Variants in SPATA32 observed in about 807,000 individuals in gnomAD.
The protein encoded by SPATA32 is spermatogenesis-associated protein 32.
A neutral mutation model predicts 35.4 loss-of-function variants in SPATA32; 28 were observed. The ratio of observed to expected loss-of-function variants is 0.79; its 90% CI spans 0.59 to 1.09. SPATA32 has a LOEUF of 1.09. Among genes scored for constraint, SPATA32 ranks in the 50% least tolerant of loss-of-function variants. SPATA32 has a pLI of 0.00. For missense variants in SPATA32, 409 were observed against 475.9 expected, an observed-to-expected ratio of 0.86 and a Z score of 1.31; for synonymous variants, 168 against 196.3, an observed-to-expected ratio of 0.86 and a Z score of 1.20.
intron 1 of SPATA32, among the ~76,000 whole-genome samples, chr17:45,259,724 G>T (rs1347334782): frequency 6.6e-6 from 1 of 152,002 alleles, no homozygotes; most frequent in Non-Finnish European, 1.5e-5. Flanking sequence ...TTGTTATATT[G>T]CCCAGGCTGG....
In SPATA32 at chr17:45,255,693, G is replaced by A. The variant is rs112555893; in HGVS notation, c.489C>T (p.Leu163=). Residue 163 remains leucine, a synonymous_variant, in exon 4 of 5, where the codon CTC becomes CTT. Coordinates refer to ENST00000331780, the MANE Select transcript of SPATA32 (RefSeq NM_152343.3). This position sits in a 1 kb window ranked among gnomAD's most constrained non-coding sequence, Gnocchi z 5.4. ...TSKHLFWANK[L]IQASEHSLQR... ...GCAGGCTGTGCTCTGAGGCCTGGAT[G>A]AGCTTGTTTGCCCAGAAGAGGTGCT... 2.2e-5 allele frequency: 36 copies of A among 1,614,120 alleles called. 1 individual carries two copies. The highest frequency in any genetic ancestry group is 1.5e-4 in the African/African-American group (11 of 75,042).
In SPATA32 at chr17:45,255,759, G is replaced by A. The variant is rs771472632; in HGVS notation, c.423C>T (p.His141=). The A allele has an allele frequency of 6.2e-6, 10 of 1,614,058 alleles. No individual in the cohort carries two copies. The highest frequency in any genetic ancestry group is 4.5e-5 in the East Asian group (2 of 44,878). Residue 141 remains histidine, a synonymous_variant, in exon 4 of 5, where the codon CAC becomes CAT. Coordinates refer to ENST00000331780, the MANE Select transcript of SPATA32 (RefSeq NM_152343.3). This position sits in a 1 kb window ranked among gnomAD's most constrained non-coding sequence, Gnocchi z 5.4. Reference sequence around the variant, plus strand: ...TGATGGAGTGATGGCAGGCAGACACGTGGTTCTCCTCCGTGAAACTCCGGC... The same window carrying A: ...TGATGGAGTGATGGCAGGCAGACACATGGTTCTCCTCCGTGAAACTCCGGC... ...SNCRSFTEEN[H]VSACHHSISA...
chr17:45,257,258 C>T lies in SPATA32; in HGVS notation c.14-51G>A, dbSNP rs1307585638. The T allele has an allele frequency of 2.0e-5, 31 of 1,567,716 alleles. No homozygotes were observed. The Admixed American group carries it at 5.5e-4, about 28-fold the overall frequency. ...AGGGAGCTGCAGGGTAGAGGACAGTCCCAGAGGGATTCCGGAGCCAGCCCC... is the reference window on the plus strand; with the variant it reads ...AGGGAGCTGCAGGGTAGAGGACAGTTCCAGAGGGATTCCGGAGCCAGCCCC... On this transcript the variant is annotated intron_variant, in intron 1 of 4. Transcript: ENST00000331780.
At chr17:45,254,576 C>G in intron 4 of SPATA32, 63 bp from the exon 5 acceptor site, 2 of 1,491,580 alleles carry the variant, frequency 1.3e-6, no homozygotes, top group East Asian at 2.3e-5. Flanking sequence ...GAGGGGTGAG[C>G]CCAGAGGCCC....
chr17:45,254,601 C>CT, intron 4 of SPATA32, 88 bp from the exon 5 acceptor site: 2 of 1,221,402 alleles, frequency 1.6e-6, no homozygotes, highest in Non-Finnish European at 2.4e-6. Flanking sequence ...GAAGAGGTCG[C>CT]TGGGGGTAAG....
chr17:45,256,378 C>T lies in SPATA32; in HGVS notation c.106G>A (p.Glu36Lys), dbSNP rs2043957635. 2 of 1,612,500 alleles carry T rather than the reference C, an allele frequency of 1.2e-6. No homozygotes were observed. Among genetic ancestry groups the T allele is most frequent in the Non-Finnish European group, 1.7e-6 (2 of 1,178,780 alleles). ...LSQHQIQEEQ[E>K]LEADMLEQKP... ...TAAGAGGACACTCCCATTTTTACCT[C>T]CTGTTCCTCTTGTATCTGGTGTTGA... Residue 36 changes from glutamate (E) to lysine (K), a missense_variant and splice_region_variant, in exon 3 of 5, where the codon GAG (glutamate) becomes AAG (lysine). Glu to Lys is a moderately conservative substitution (Grantham distance 56). Transcript: ENST00000331780. The surrounding 1 kb of genome is among the most constrained non-coding windows in gnomAD (Gnocchi z 4.7).
chr17:45,257,210 G>T lies in SPATA32; in HGVS notation c.14-3C>A. On this transcript the variant is annotated splice_polypyrimidine_tract_variant and splice_region_variant and intron_variant, in intron 1 of 4. Transcript: ENST00000331780. ...GCAGCATGGAAATCCATGGGCACCTGACAGGGGAAAGGAGGTGAGGGCAGG... is the reference window on the plus strand; with the variant it reads ...GCAGCATGGAAATCCATGGGCACCTTACAGGGGAAAGGAGGTGAGGGCAGG... The T allele has an allele frequency of 6.2e-7, 1 of 1,609,768 alleles. No individual in the cohort carries two copies. The highest frequency in any genetic ancestry group is 8.5e-7 in the Non-Finnish European group (1 of 1,178,132).
In SPATA32 at chr17:45,255,975, C is replaced by A. The variant is rs375951789; in HGVS notation, c.207G>T (p.Val69=). ...DPDPELEIGQ[V]PALLESELYP... ...ATAGCTCTGACTCCAGTAAAGCCGG[C>A]ACCTGTCCGATCTCCAGTTCTGGGT... Residue 69 remains valine, a synonymous_variant, in exon 4 of 5, where the codon GTG becomes GTT. Coordinates refer to ENST00000331780, the MANE Select transcript of SPATA32 (RefSeq NM_152343.3). This position sits in a 1 kb window ranked among gnomAD's most constrained non-coding sequence, Gnocchi z 5.4. 3.1e-6 allele frequency: 5 copies of A among 1,613,984 alleles called. No individual in the cohort carries two copies. The African/African-American group carries it at 6.7e-5, about 22-fold the overall frequency.
At chr17:45,257,281 C>CA in intron 1 of SPATA32, 74 bp from the exon 2 acceptor site, 2 of 1,477,402 alleles carry the variant, frequency 1.4e-6, no homozygotes, top group Admixed American at 3.9e-5. Flanking sequence ...CGGAGCCAGC[C>CA]CCCTTTTCCT....
intron 1 of SPATA32, 112 bp from the exon 2 acceptor site, chr17:45,257,319 T>C: frequency 8.2e-7 from 1 of 1,217,122 alleles, no homozygotes; most frequent in Non-Finnish European, 1.2e-6. Flanking sequence ...TCCCGGCTGC[T>C]ATTCCCCCTC....
Position 45,256,517 on chromosome 17 carries a change from GGCACGAT to G in SPATA32, c.69-109_69-103del. 9.6e-7 allele frequency: 1 copy of G among 1,038,618 alleles called. No individual in the cohort carries two copies. Among genetic ancestry groups the G allele is most frequent in the South Asian group, 1.3e-5 (1 of 78,766 alleles). 64.3% of individuals were successfully genotyped at this position (1,038,618 alleles called of 1,614,324 possible). A position where few individuals can be genotyped will look rare whatever the true frequency, so the allele number is the denominator to read the frequency against. ...AGCCCTCTGCCTTGTAACAGAAGCT[GGCACGAT>G]GCACCTCCCGCCGACCACCCCGCCA... is the stretch of plus-strand genomic sequence containing the variant. On this transcript the variant is annotated intron_variant, in intron 2 of 4. Coordinates refer to ENST00000331780, the MANE Select transcript of SPATA32 (RefSeq NM_152343.3). The surrounding 1 kb of genome is among the most constrained non-coding windows in gnomAD (Gnocchi z 4.7).
At chr17:45,258,595 C>G (rs969764111) in intron 1 of SPATA32, among the ~76,000 whole-genome samples, 10 of 152,106 alleles carry the variant, frequency 6.6e-5, no homozygotes, top group African/African-American at 2.4e-4. Context: ...TGAGAATGTT[C>G]TATTAGGGAT....
intron 1 of SPATA32, among the ~76,000 whole-genome samples, chr17:45,259,407 TTTTC>T (rs2043984952): frequency 6.6e-6 from 1 of 152,184 alleles, no homozygotes; most frequent in Non-Finnish European, 1.5e-5. Flanking sequence ...ATCATATGGT[TTTTC>T]TTTAATATGA....
intron 1 of SPATA32, chr17:45,259,885 ATATTACCCTTTTTC>A (rs1017743603): frequency 6.6e-6 from 1 of 152,104 alleles, no homozygotes; most frequent in African/African-American, 2.4e-5. Context: ...TGGTTGTGAT[ATATTACCCTTTTTC>A]TATGTTGTTG....
rs1315950274 is a variant in SPATA32, at chr17:45,255,115, T to A, written c.1067A>T (p.Asp356Val). ...TSPLLQGSKE[D>V]SVPPGKEKEN... Reference sequence around the variant, plus strand: ...GAGCTGCGGGGCTGGCCTCACTCACTCTTCCTTGCTTCCCTGCAGCAGAGG... The same window carrying A: ...GAGCTGCGGGGCTGGCCTCACTCACACTTCCTTGCTTCCCTGCAGCAGAGG... The change falls in exon 4 of 5, where the codon GAC becomes GTC. Residue 356 changes from aspartate (D) to valine (V), a missense_variant and splice_region_variant. By Grantham distance (152) the Asp-to-Val change is radical (BLOSUM62 -3). Coordinates refer to ENST00000331780, the MANE Select transcript of SPATA32 (RefSeq NM_152343.3). This position sits in a 1 kb window ranked among gnomAD's most constrained non-coding sequence, Gnocchi z 5.4. 3 of 1,614,040 alleles carry A rather than the reference T, an allele frequency of 1.9e-6. No homozygotes were observed. The South Asian group carries it at 3.3e-5, about 18-fold the overall frequency.
At chr17:45,257,502 G>A (rs1333173959) in intron 1 of SPATA32, among the ~76,000 whole-genome samples, 3 of 151,730 alleles carry the variant, frequency 2.0e-5, no homozygotes, top group African/African-American at 7.3e-5. Context: ...CGCTTCCATA[G>A]CCTGGTCACT....
intron 1 of SPATA32, among the ~76,000 whole-genome samples, chr17:45,259,382 G>T (rs1299273060): frequency 6.6e-6 from 1 of 151,880 alleles, no homozygotes; most frequent in African/African-American, 2.4e-5. Context: ...TGCTTTTTCT[G>T]CATTTATTGA....
At position 45,255,785 on chromosome 17, in the gene SPATA32, A is replaced by T; in HGVS notation, c.397T>A (p.Cys133Ser). 6.2e-7 allele frequency: 1 copy of T among 1,614,036 alleles called. No individual in the cohort carries two copies. Among genetic ancestry groups the T allele is most frequent in the Middle Eastern group, 1.6e-4 (1 of 6,062 alleles). ...TGGTTCTCCTCCGTGAAACTCCGGC[A>T]GTTTGAATTCAGACTCCACGGTCTG... ...TFRPWSLNSNCRSFTEENHVS... is the reference protein window; with the variant it reads ...TFRPWSLNSNSRSFTEENHVS... The change falls in exon 4 of 5, where the codon TGC becomes AGC. Residue 133 changes from cysteine to serine, a missense_variant. By Grantham distance (112) the Cys-to-Ser change is moderately radical. Coordinates refer to ENST00000331780, the MANE Select transcript of SPATA32 (RefSeq NM_152343.3). This position sits in a 1 kb window ranked among gnomAD's most constrained non-coding sequence, Gnocchi z 5.4.
intron 4 of SPATA32, among the ~76,000 whole-genome samples, chr17:45,254,754 A>G (rs1194040559): frequency 6.6e-6 from 1 of 152,210 alleles, no homozygotes; most frequent in Admixed American, 6.5e-5. Flanking sequence ...GTTGGGGCCA[A>G]CAGGCTTTCA....
Sources: gnomAD v4.1 joint callset for allele counts (sites outside exome capture counted in the v4.1 genomes callset) on GRCh38, gnomAD v4.1.1 for gene constraint, Gnocchi (gnomAD v3.1) non-coding constraint, MANE v1.5 for transcripts, NCBI Gene and HGNC (gene_info 2026-07-23, HGNC 2026-07-21) for gene names.